DGKI: variants seen among roughly 807,000 people sequenced by gnomAD.
DGKI encodes the protein DAG kinase iota.
A neutral mutation model predicts 147.5 loss-of-function variants in DGKI; 55 were observed. That is an observed-to-expected ratio of 0.37 (90% CI 0.30 to 0.47). The LOEUF is 0.47. Ranked by LOEUF, DGKI falls within the 20% of genes least tolerant of loss-of-function variation. DGKI has a pLI of 1.00. For missense variants in DGKI, 1,007 were observed against 1,323.8 expected, an observed-to-expected ratio of 0.76 and a Z score of 3.71; for synonymous variants, 469 against 477.1, an observed-to-expected ratio of 0.98 and a Z score of 0.22.
intron 1 of DGKI, among the ~76,000 whole-genome samples, chr7:137,816,199 C>T (rs896168063): frequency 1.3e-5 from 2 of 152,120 alleles, no homozygotes; most frequent in Non-Finnish European, 2.9e-5. Flanking sequence ...CCCCCAACTC[C>T]CCATAGCATT....
chr7:137,488,284 A>C (rs967083942), intron 21 of DGKI, among the ~76,000 whole-genome samples: 3 of 152,140 alleles, frequency 2.0e-5, no homozygotes, highest in Non-Finnish European at 2.9e-5. Flanking sequence ...AAGAACAAAA[A>C]ACAGCTTCTA....
intron 23 of DGKI, among the ~76,000 whole-genome samples, chr7:137,475,933 A>G (rs1815156078): frequency 6.6e-6 from 1 of 152,206 alleles, no homozygotes; most frequent in Non-Finnish European, 1.5e-5. Context: ...AGACAGCAGA[A>G]TAAATTCATT....
In DGKI at chr7:137,618,151, A is replaced by ATATATATATTTTTT; in HGVS notation, c.993+1672_993+1673insAAAAAATATATATA. Reference sequence around the variant, plus strand: ...ACTATATATATATATATATATATATATTTTTTTTTTTTTACTCTATCATTC... The same window carrying ATATATATATTTTTT: ...ACTATATATATATATATATATATATATATATATATTTTTTTTTTTTTTTTTTTACTCTATCATTC... On this transcript the variant is annotated intron_variant, in intron 8 of 32. Coordinates refer to ENST00000614521, the MANE Select transcript of DGKI (RefSeq NM_001321708.2). 3.2e-3 allele frequency among the ~76,000 whole-genome samples: 33 copies of ATATATATATTTTTT among 10,460 alleles called. 4 individuals carry two copies. Among genetic ancestry groups the ATATATATATTTTTT allele is most frequent in the Non-Finnish European group, 0.013 (21 of 1,650 alleles). 6.9% of individuals were successfully genotyped at this position (10,460 alleles called of 152,430 possible). A position where few individuals can be genotyped will look rare whatever the true frequency, so the allele number is the denominator to read the frequency against.
intron 1 of DGKI, among the ~76,000 whole-genome samples, chr7:137,721,766 C>T (rs1395628454): frequency 6.6e-6 from 1 of 152,226 alleles, no homozygotes; most frequent in Non-Finnish European, 1.5e-5. Context: ...TAACCAGGTT[C>T]AGCTCTTACC....
At chr7:137,549,487 A>AAC (rs138316106) in intron 20 of DGKI, among the ~76,000 whole-genome samples, 75 of 151,474 alleles carry the variant, frequency 5.0e-4, no homozygotes, top group African/African-American at 9.9e-4. Flanking sequence ...TCTTACTGGG[A>AAC]ACACACACAC....
At chr7:137,743,077 C>T (rs1242282328) in intron 1 of DGKI, among the ~76,000 whole-genome samples, 2 of 152,160 alleles carry the variant, frequency 1.3e-5, no homozygotes, top group Admixed American at 6.5e-5. Flanking sequence ...AACAAGAAGA[C>T]TTAAATATCC....
chr7:137,722,328 A>G (rs796492620), intron 1 of DGKI: 18 of 1,612,636 alleles, frequency 1.1e-5, no homozygotes, highest in South Asian at 2.2e-5. Context: ...AAATGCCTAG[A>G]TATTATCCTA....
intron 17 of DGKI, among the ~76,000 whole-genome samples, chr7:137,574,140 C>T (rs565185961): frequency 8.7e-4 from 133 of 152,266 alleles, no homozygotes; most frequent in African/African-American, 2.2e-3. Context: ...GTCTCCAGCA[C>T]CTGCATTTTT....
At chr7:137,722,315 G>C (rs574617321) in intron 1 of DGKI, 4 of 1,612,554 alleles carry the variant, frequency 2.5e-6, no homozygotes, top group Non-Finnish European at 3.4e-6. Context: ...GTTAAACTTC[G>C]CAAAATGCCT....
chr7:137,672,331 C>G (rs1252137071), intron 3 of DGKI, among the ~76,000 whole-genome samples: 1 of 152,210 alleles, frequency 6.6e-6, no homozygotes, highest in Non-Finnish European at 1.5e-5. Context: ...GCCTCTCTGA[C>G]TCTTCTTTAT....
intron 23 of DGKI, among the ~76,000 whole-genome samples, chr7:137,471,267 C>G (rs936380896): frequency 6.6e-6 from 1 of 152,050 alleles, no homozygotes; most frequent in Non-Finnish European, 1.5e-5. Context: ...TTGAAATGTT[C>G]AAATGTAGGG....
Position 137,654,747 on chromosome 7 carries a change from T to C in DGKI, c.723A>G (p.Ser241=). ...AAATACTCACTTCTCTTGGTGACCT[T>C]GAGCCTCCTTCTCGAAATGTTGGTT... ...RCKPTFREGG[S]RSPRENFVRH... The change falls in exon 5 of 33, where the codon TCA becomes TCG. Residue 241 remains serine, a synonymous_variant. Transcript: ENST00000614521. 9 of 1,608,702 alleles carry C rather than the reference T, an allele frequency of 5.6e-6. No individual in the cohort carries two copies. The highest frequency in any genetic ancestry group is 7.7e-6 in the Non-Finnish European group (9 of 1,175,834).
Position 137,384,139 on chromosome 7 carries a change from T to C in DGKI, c.*7081A>G, listed in dbSNP as rs914187991. Reference sequence around the variant, plus strand: ...GTTGCAGCATTCAGAAATTATATCATCCTAATAGTGACTTCAAAGGAAGAA... The same window carrying C: ...GTTGCAGCATTCAGAAATTATATCACCCTAATAGTGACTTCAAAGGAAGAA... On this transcript the variant is annotated 3_prime_UTR_variant, in exon 33 of 33. Coordinates refer to ENST00000614521, the MANE Select transcript of DGKI (RefSeq NM_001321708.2). The C allele has an allele frequency of 1.3e-5, 2 of 152,052 alleles. No homozygotes were observed. The highest frequency in any genetic ancestry group is 4.8e-5 in the African/African-American group (2 of 41,428). 9.4% of individuals were successfully genotyped at this position (152,052 alleles called of 1,614,324 possible). A position where few individuals can be genotyped will look rare whatever the true frequency, so the allele number is the denominator to read the frequency against.
chr7:137,808,009 T>C (rs559208885), intron 1 of DGKI, among the ~76,000 whole-genome samples: 24 of 152,358 alleles, frequency 1.6e-4, no homozygotes, highest in African/African-American at 5.5e-4. Flanking sequence ...TCTCCTTTCA[T>C]TCCCATTGGC....
chr7:137,522,420 G>C (rs964832105), intron 20 of DGKI, among the ~76,000 whole-genome samples: 4 of 151,970 alleles, frequency 2.6e-5, no homozygotes, highest in African/African-American at 9.7e-5. Flanking sequence ...AGCAGACCAA[G>C]AGTCCAGAAG....
chr7:137,717,056 C>T (rs1056519089), intron 1 of DGKI, among the ~76,000 whole-genome samples: 1 of 152,216 alleles, frequency 6.6e-6, no homozygotes, highest in African/African-American at 2.4e-5. Flanking sequence ...TTTTCTGACC[C>T]TTCTGATTGG....
At chr7:137,618,599 G>A (rs1820633781) in intron 8 of DGKI, among the ~76,000 whole-genome samples, 1 of 151,700 alleles carries the variant, frequency 6.6e-6, no homozygotes, top group Non-Finnish European at 1.5e-5. Flanking sequence ...AATGTTTAAT[G>A]TAAAGCCTTG....
chr7:137,516,716 T>C (rs909224749), intron 21 of DGKI, among the ~76,000 whole-genome samples: 2 of 152,106 alleles, frequency 1.3e-5, no homozygotes, highest in Non-Finnish European at 2.9e-5. Flanking sequence ...TCTAGTGTGG[T>C]ATCTGACATA....
intron 20 of DGKI, among the ~76,000 whole-genome samples, chr7:137,536,185 A>C (rs570936910): frequency 2.6e-4 from 40 of 152,304 alleles, no homozygotes; most frequent in Admixed American, 7.8e-4. Flanking sequence ...TTGACAGCAG[A>C]GATAAATGCC....
Sources: allele counts gnomAD v4.1 joint callset (sites outside exome capture counted in the v4.1 genomes callset), GRCh38; gene constraint gnomAD v4.1.1; transcripts MANE v1.5; gene names NCBI Gene and HGNC (gene_info 2026-07-23, HGNC 2026-07-21).